The following SRARP variants were observed in gnomAD, a reference collection of about 807,000 sequenced individuals.
The protein encoded by SRARP is steroid receptor associated and regulated protein, also known as steroid receptor-associated and regulated protein.
In SRARP, 5 loss-of-function variants were observed where a neutral mutation model predicts 3.6. That is an observed-to-expected ratio of 1.39 (90% CI 0.73 to 2.93). The LOEUF is 2.93. Among genes scored for constraint, SRARP ranks in the 30% most tolerant of loss-of-function variants. The probability of loss-of-function intolerance (pLI) is 0.00; values close to 1 mark genes in which losing one functional copy is unlikely to be tolerated. For missense variants in SRARP, 215 were observed against 216.7 expected (o/e 0.99, Z 0.05); for synonymous variants, 96 against 91.6 (o/e 1.05, Z -0.27).
rs1350158737 is a variant in SRARP at position 16,006,445 on chromosome 1, ACAT to A, written c.*103_*105del. Reference sequence around the variant, plus strand: ...AGTCTTTTGTGCTTGAGCCAAGGAAACATCATTAGATCCGCTAAGGGGCATCTG... The same window carrying A: ...AGTCTTTTGTGCTTGAGCCAAGGAAACATTAGATCCGCTAAGGGGCATCTG... On this transcript the variant is annotated 3_prime_UTR_variant, in exon 2 of 2. Coordinates refer to ENST00000329454, the MANE Select transcript of SRARP (RefSeq NM_178840.4). 2 of 1,305,426 alleles carry A rather than the reference ACAT, an allele frequency of 1.5e-6. No homozygotes were observed. Among genetic ancestry groups the A allele is most frequent in the African/African-American group, 3.0e-5 (2 of 66,584 alleles). The allele number at this position is 1,305,426 out of a possible 1,614,324, so 80.9% of individuals were successfully genotyped here.
At chr1:16,004,467 C>G (rs2073115732) in intron 1 of SRARP, 82 bp downstream of exon 1, 7 of 1,290,612 alleles carry the variant, frequency 5.4e-6, no homozygotes, top group Non-Finnish European at 7.6e-6. Flanking sequence ...GTAATCCCAG[C>G]ACTTTGGGAG....
chr1:16,006,173 T>C lies in SRARP; in HGVS notation c.337T>C (p.Cys113Arg). 1 of 1,613,926 alleles carries C rather than the reference T, an allele frequency of 6.2e-7. No homozygotes were observed. Among genetic ancestry groups the C allele is most frequent in the Non-Finnish European group, 8.5e-7 (1 of 1,180,020 alleles). ...LAQARATLPLCRGSVASASFP... is the reference protein window; with the variant it reads ...LAQARATLPLRRGSVASASFP... ...CCAGGCCAGGGCCACCCTGCCGCTC[T>C]GCAGAGGGTCTGTGGCCTCAGCTTC... Residue 113 changes from cysteine (C) to arginine (R), a missense_variant, in exon 2 of 2, where the codon TGC (cysteine) becomes CGC (arginine). Cys to Arg is a radical substitution (Grantham distance 180, BLOSUM62 -3). Transcript: ENST00000329454.
intron 1 of SRARP, 47 bp downstream of exon 1, chr1:16,004,432 G>C (rs1037421148): frequency 4.0e-6 from 6 of 1,498,242 alleles, no homozygotes; most frequent in Non-Finnish European, 5.5e-6. Flanking sequence ...CACCAGCTGG[G>C]GGCCAGGTGC....
intron 1 of SRARP, among the ~76,000 whole-genome samples, chr1:16,005,153 C>A (rs1259775475): frequency 6.6e-6 from 1 of 152,146 alleles, no homozygotes; most frequent in Non-Finnish European, 1.5e-5. Context: ...TAGCAAGATG[C>A]TCCCTGAGAC....
rs140507421 is a variant in SRARP at position 16,005,150 on chromosome 1, A to T, written c.82+765A>T. On this transcript the variant is annotated intron_variant, in intron 1 of 1. Transcript: ENST00000329454. ...ATCTGGGGAGGGGGAGAGTAGCAAG[A>T]TGCTCCCTGAGACCCACCAACACTT... is the stretch of plus-strand genomic sequence containing the variant. Among the ~76,000 whole-genome samples the T allele has an allele frequency of 2.6e-4, 39 of 152,230 alleles. 1 individual carries two copies. The highest frequency in any genetic ancestry group is 1.5e-3 in the South Asian group (7 of 4,820).
chr1:16,006,526 T>C lies in SRARP; in HGVS notation c.*180T>C, dbSNP rs2073130642. ...ATAAGTCACCTGCACATGAAGAGACTCATTCATTCATACAGCAAATATTAC... is the reference window on the plus strand; with the variant it reads ...ATAAGTCACCTGCACATGAAGAGACCCATTCATTCATACAGCAAATATTAC... On this transcript the variant is annotated 3_prime_UTR_variant, in exon 2 of 2. Coordinates refer to ENST00000329454, the MANE Select transcript of SRARP (RefSeq NM_178840.4). 6.3e-6 allele frequency: 4 copies of C among 631,286 alleles called. No individual in the cohort carries two copies. In the South Asian group the frequency reaches 9.5e-5, roughly 15 times the overall value. 39.1% of individuals were successfully genotyped at this position (631,286 alleles called of 1,614,324 possible).
intron 1 of SRARP, 131 bp downstream of exon 1, chr1:16,004,516 C>A (rs1309130675): frequency 4.2e-6 from 3 of 706,684 alleles, no homozygotes; most frequent in East Asian, 6.5e-5. Flanking sequence ...AGTTCGAGAC[C>A]AGCTTGGCCA....
rs750404103 is a variant in SRARP at position 16,004,385 on chromosome 1, G to A, written c.82G>A (p.Gly28Ser). The A allele has an allele frequency of 1.9e-5, 30 of 1,599,942 alleles. No individual in the cohort carries two copies. In the Admixed American group the frequency reaches 1.9e-4, roughly 10 times the overall value. Residue 28 changes from glycine to serine, a missense_variant and splice_region_variant, in exon 1 of 2, where the codon GGT becomes AGT. Gly to Ser is a moderately conservative substitution (Grantham distance 56). Coordinates refer to ENST00000329454, the MANE Select transcript of SRARP (RefSeq NM_178840.4). ...TGAGACAGGCCTGGAGACCAGCTCC[G>A]GTAAGAGGCGGCAAAGGGACCCCAG... is the stretch of plus-strand genomic sequence containing the variant. ...IRETGLETSS[G>S]GKLAGHQKTV...
In SRARP at chr1:16,007,044, G is replaced by C. The variant is rs1399090847; in HGVS notation, c.*698G>C. 1 of 152,246 alleles carries C rather than the reference G, an allele frequency of 6.6e-6. No homozygotes were observed. The highest frequency in any genetic ancestry group is 1.9e-4 in the East Asian group (1 of 5,200). 9.4% of individuals were successfully genotyped at this position (152,246 alleles called of 1,614,324 possible). A position where few individuals can be genotyped will look rare whatever the true frequency, so the allele number is the denominator to read the frequency against. On this transcript the variant is annotated 3_prime_UTR_variant, in exon 2 of 2. Transcript: ENST00000329454. ...ATGCCAGTTGGGGCTGGGAGGCTCA[G>C]GGAAGTTGGCTCCAGGAGACTCCAT... is the stretch of plus-strand genomic sequence containing the variant.
chr1:16,005,881 C>G, intron 1 of SRARP, 38 bp from the exon 2 acceptor site: 1 of 1,499,886 alleles, frequency 6.7e-7, no homozygotes, highest in Admixed American at 2.2e-5. Flanking sequence ...GAAAAGTCCC[C>G]TGCTTGTGCT....
rs1365295011 is a variant in SRARP, at chr1:16,006,867, G to C, written c.*521G>C. On this transcript the variant is annotated 3_prime_UTR_variant, in exon 2 of 2. Transcript: ENST00000329454. ...TCCACCCTCCCCAGGGCCACCTGCTGTCATCTTACCCCAGGGCAGGCCAGA... is the reference window on the plus strand; with the variant it reads ...TCCACCCTCCCCAGGGCCACCTGCTCTCATCTTACCCCAGGGCAGGCCAGA... 6.4e-6 allele frequency: 1 copy of C among 155,432 alleles called. No homozygotes were observed. 9.6% of individuals were successfully genotyped at this position (155,432 alleles called of 1,614,324 possible).
In SRARP at chr1:16,006,390, G is replaced by A; in HGVS notation, c.*44G>A. 6.6e-7 allele frequency: 1 copy of A among 1,509,332 alleles called. No individual in the cohort carries two copies. 93.5% of individuals were successfully genotyped at this position (1,509,332 alleles called of 1,614,324 possible). On this transcript the variant is annotated 3_prime_UTR_variant, in exon 2 of 2. Transcript: ENST00000329454. ...GATGCCCAGAGGCTGCAATTCCCAG[G>A]GCCTGGCCCTGCTTCCCCAGCTAAG...
intron 1 of SRARP, among the ~76,000 whole-genome samples, chr1:16,005,282 G>A (rs2073120670): frequency 6.6e-6 from 1 of 152,118 alleles, no homozygotes; most frequent in Admixed American, 6.6e-5. Flanking sequence ...CAGCAGAATT[G>A]GCATCCCCTG....
At chr1:16,004,899 G>A (rs766023735) in intron 1 of SRARP, among the ~76,000 whole-genome samples, 10 of 152,110 alleles carry the variant, frequency 6.6e-5, no homozygotes, top group Non-Finnish European at 1.3e-4. Flanking sequence ...TTCACAGCAC[G>A]TAGCTAAGAG....
rs771269124 is a variant in SRARP, at chr1:16,006,212, C to T, written c.376C>T (p.Pro126Ser). The change falls in exon 2 of 2, where the codon CCG (proline) becomes TCG (serine). Residue 126 changes from proline to serine, a missense_variant. Pro to Ser is a moderately conservative substitution (Grantham distance 74). Transcript: ENST00000329454. ...GGCCTCAGCTTCCTTCCCAGTCAGC[C>T]CGCTCTGCCCCCAGGAGGTTCCCGA... Reference protein sequence around the residue: ...SVASASFPVSPLCPQEVPEAK... With the variant: ...SVASASFPVSSLCPQEVPEAK... 12 of 1,613,946 alleles carry T rather than the reference C, an allele frequency of 7.4e-6. No individual in the cohort carries two copies. The highest frequency in any genetic ancestry group is 1.0e-5 in the Non-Finnish European group (12 of 1,180,044).
At position 16,006,521 on chromosome 1, in the gene SRARP, G is replaced by A; in HGVS notation, c.*175G>A. 1.5e-6 allele frequency: 1 copy of A among 663,348 alleles called. No individual in the cohort carries two copies. The highest frequency in any genetic ancestry group is 3.3e-5 in the Admixed American group (1 of 30,052). The allele number at this position is 663,348 out of a possible 1,614,324, so 41.1% of individuals were successfully genotyped here. On this transcript the variant is annotated 3_prime_UTR_variant, in exon 2 of 2. Coordinates refer to ENST00000329454, the MANE Select transcript of SRARP (RefSeq NM_178840.4). ...GCAGGATAAGTCACCTGCACATGAA[G>A]AGACTCATTCATTCATACAGCAAAT...
At position 16,006,000 on chromosome 1, in the gene SRARP, T is replaced by C; in HGVS notation, c.164T>C (p.Leu55Pro). 6.2e-7 allele frequency: 1 copy of C among 1,613,542 alleles called. No homozygotes were observed. The highest frequency in any genetic ancestry group is 8.5e-7 in the Non-Finnish European group (1 of 1,179,848). ...ATTGACTGCACCCACGGGAAGCAGC[T>C]CTCCCTGGCAGCAACCGCATCACCA... ...FVIDCTHGKQ[L>P]SLAATASPPQ... The change falls in exon 2 of 2, where the codon CTC becomes CCC. Residue 55 changes from leucine (L) to proline (P), a missense_variant. Physicochemically the swap from Leu to Pro is moderately conservative, Grantham distance 98 (BLOSUM62 -3). Transcript: ENST00000329454.
At chr1:16,005,597 G>C (rs926118637) in intron 1 of SRARP, among the ~76,000 whole-genome samples, 2 of 152,228 alleles carry the variant, frequency 1.3e-5, no homozygotes, top group Middle Eastern at 3.2e-3. Flanking sequence ...GTCCCAGTCG[G>C]GTGCAGTGGC....
rs184081897 is a variant in SRARP at position 16,007,328 on chromosome 1, G to A, written c.*982G>A. ...TCCCTGAGCAGGAGGTGGAGTTACT[G>A]GTGTGGGTGTGAAGGTGTCTGTGAG... is the stretch of plus-strand genomic sequence containing the variant. On this transcript the variant is annotated 3_prime_UTR_variant, in exon 2 of 2. Transcript: ENST00000329454. 9 of 151,984 alleles carry A rather than the reference G, an allele frequency of 5.9e-5. No homozygotes were observed. The highest frequency in any genetic ancestry group is 1.7e-4 in the African/African-American group (7 of 41,398). 9.4% of individuals were successfully genotyped at this position (151,984 alleles called of 1,614,324 possible). A position where few individuals can be genotyped will look rare whatever the true frequency, so the allele number is the denominator to read the frequency against.
Sources: gnomAD v4.1 joint callset for allele counts (sites outside exome capture counted in the v4.1 genomes callset) on GRCh38, gnomAD v4.1.1 for gene constraint, MANE v1.5 for transcripts, NCBI Gene and HGNC (gene_info 2026-07-23, HGNC 2026-07-21) for gene names.